SH3BP4: variants seen among roughly 807,000 people sequenced by gnomAD.
SH3BP4 encodes the protein SH3 domain-binding protein 4.
Under a neutral mutation model 65.5 loss-of-function variants are expected in SH3BP4, and 33 were observed. The observed-to-expected ratio is 0.50, with a 90% CI of 0.38 to 0.67. The LOEUF is 0.67. Ranked by LOEUF, SH3BP4 falls within the 30% of genes least tolerant of loss-of-function variation. The pLI, the probability that SH3BP4 is intolerant of heterozygous loss-of-function variation, is 0.00. For synonymous variants in SH3BP4, 552 were observed against 545.5 expected (o/e 1.01, Z -0.17); for missense variants, 1,134 against 1,261.4 (o/e 0.90, Z 1.53).
At chr2:234,984,503 C>T (rs1223901542) in intron 1 of SH3BP4, among the ~76,000 whole-genome samples, 2 of 152,128 alleles carry the variant, frequency 1.3e-5, no homozygotes, top group African/African-American at 4.8e-5. Context: ...GCCACTAAGC[C>T]CTGTCCTTTT....
intron 1 of SH3BP4, among the ~76,000 whole-genome samples, chr2:234,987,509 A>T (rs1693601318): frequency 6.6e-6 from 1 of 152,044 alleles, no homozygotes; most frequent in Non-Finnish European, 1.5e-5. Context: ...AGAAACGTGA[A>T]CCCACATGTT....
chr2:235,006,893 A>G (rs988213648), intron 2 of SH3BP4, among the ~76,000 whole-genome samples: 1 of 152,044 alleles, frequency 6.6e-6, no homozygotes, highest in Non-Finnish European at 1.5e-5. Flanking sequence ...CCTGGTGTTT[A>G]GTGAAGAAGA....
intron 2 of SH3BP4, among the ~76,000 whole-genome samples, chr2:235,000,823 C>G (rs1316049418): frequency 6.6e-6 from 1 of 152,242 alleles, no homozygotes; most frequent in African/African-American, 2.4e-5. Context: ...GGGGCCTGTC[C>G]CCACTGCCAG....
In SH3BP4 at chr2:235,052,615, T is replaced by C. The variant is rs1329635297; in HGVS notation, c.2532T>C (p.Phe844=). Residue 844 remains phenylalanine, a synonymous_variant, in exon 5 of 6, where the codon TTT becomes TTC. Coordinates refer to ENST00000392011, the MANE Select transcript of SH3BP4 (RefSeq NM_014521.3). This position sits in a 1 kb window ranked among gnomAD's most constrained non-coding sequence, Gnocchi z 5.0. The part of the protein sequence containing the change: ...QGLVVRLIQD[F]VLLTTAVEVA... ...TGGTGGTCAGACTCATCCAGGACTT[T>C]GTGCTCCTGACCACGGCTGTAGAGG... The C allele has an allele frequency of 9.6e-6, 15 of 1,561,672 alleles. No homozygotes were observed. Among genetic ancestry groups the C allele is most frequent in the Non-Finnish European group, 1.3e-5 (15 of 1,153,282 alleles).
At position 234,967,286 on chromosome 2, in the gene SH3BP4, G is replaced by C. The variant is rs914107832; in HGVS notation, c.-207+15116G>C. Among the ~76,000 whole-genome samples the C allele has an allele frequency of 1.3e-5, 2 of 152,200 alleles. No individual in the cohort carries two copies. The highest frequency in any genetic ancestry group is 2.9e-5 in the Non-Finnish European group (2 of 68,034). On this transcript the variant is annotated intron_variant, in intron 1 of 5. Coordinates refer to ENST00000392011, the MANE Select transcript of SH3BP4 (RefSeq NM_014521.3). This position sits in a 1 kb window ranked among gnomAD's most constrained non-coding sequence, Gnocchi z 4.6. ...GGACCAGACTGGGGAGCAGGATGGG[G>C]CTGTGTTGTGGGAGGTAGGGAACCT...
intron 2 of SH3BP4, among the ~76,000 whole-genome samples, chr2:235,009,862 G>A (rs1694420073): frequency 2.0e-5 from 3 of 152,018 alleles, no homozygotes; most frequent in African/African-American, 4.8e-5. Context: ...CCAGCTAAGA[G>A]CGTCTTTGTG....
At chr2:235,038,397 AT>A (rs1401114704) in intron 3 of SH3BP4, among the ~76,000 whole-genome samples, 8 of 80,974 alleles carry the variant, frequency 9.9e-5, no homozygotes, top group East Asian at 3.1e-4. Flanking sequence ...ATATATATAT[AT>A]ATATATATAT....
intron 1 of SH3BP4, among the ~76,000 whole-genome samples, chr2:234,988,226 A>AT (rs996981699): frequency 9.5e-4 from 144 of 151,976 alleles, no homozygotes; most frequent in African/African-American, 1.9e-3. Context: ...CGCCTGGCTA[A>AT]TTTTTTGTAT....
rs1192881874 is a variant in SH3BP4 at position 235,054,871 on chromosome 2, A to T, written c.*1055A>T. On this transcript the variant is annotated 3_prime_UTR_variant, in exon 6 of 6. Coordinates refer to ENST00000392011, the MANE Select transcript of SH3BP4 (RefSeq NM_014521.3). Reference sequence around the variant, plus strand: ...CAGAGGTGCCAGCTGCCATTTGCCAAACTCTGCATTTCATTTCATCTAAGG... The same window carrying T: ...CAGAGGTGCCAGCTGCCATTTGCCATACTCTGCATTTCATTTCATCTAAGG... The T allele has an allele frequency of 6.6e-6, 1 of 152,166 alleles. No homozygotes were observed. Among genetic ancestry groups the T allele is most frequent in the African/African-American group, 2.4e-5 (1 of 41,436 alleles). The allele number at this position is 152,166 out of a possible 1,614,324, so 9.4% of individuals were successfully genotyped here.
chr2:234,969,661 C>T (rs771394017), intron 1 of SH3BP4, among the ~76,000 whole-genome samples: 1 of 152,224 alleles, frequency 6.6e-6, no homozygotes, highest in Non-Finnish European at 1.5e-5. Context: ...CGGAGCCTGG[C>T]AGGCTGGACT....
At chr2:235,036,873 G>A (rs1695403088) in intron 3 of SH3BP4, among the ~76,000 whole-genome samples, 1 of 152,046 alleles carries the variant, frequency 6.6e-6, no homozygotes, top group African/African-American at 2.4e-5. Context: ...CAAACATGAA[G>A]GGGAGGGTGT....
intron 1 of SH3BP4, among the ~76,000 whole-genome samples, chr2:234,958,426 G>C (rs1289357355): frequency 2.0e-5 from 3 of 152,030 alleles, no homozygotes; most frequent in African/African-American, 4.8e-5. Context: ...GCTCGCCCTG[G>C]GGGGGTGTCT....
At position 234,986,426 on chromosome 2, in the gene SH3BP4, G is replaced by A. The variant is rs531816512; in HGVS notation, c.-206-8877G>A. Among the ~76,000 whole-genome samples the A allele has an allele frequency of 3.9e-5, 6 of 152,338 alleles. No individual in the cohort carries two copies. The South Asian group carries it at 1.2e-3, about 32-fold the overall frequency. ...AACATTCGTAGTCTGATTCAGGCAG[G>A]AATGTTAACTTCTACTTTCAAAGAC... On this transcript the variant is annotated intron_variant, in intron 1 of 5. Coordinates refer to ENST00000392011, the MANE Select transcript of SH3BP4 (RefSeq NM_014521.3).
intron 1 of SH3BP4, among the ~76,000 whole-genome samples, chr2:234,985,737 G>A (rs1363707388): frequency 3.3e-5 from 5 of 152,110 alleles, no homozygotes; most frequent in African/African-American, 1.2e-4. Context: ...GGGACTGTGC[G>A]CAGGTGAACC....
Position 235,052,751 on chromosome 2 carries a change from G to T in SH3BP4, c.2667+1G>T. ...CAGGAACGGGGTTGTGGACAGCGAG[G>T]TGAGCAGCGGCTGAGCTTCGAGCTC... On this transcript the variant is annotated splice_donor_variant, in intron 5 of 5. Transcript: ENST00000392011. LOFTEE classifies it high-confidence loss of function. This position sits in a 1 kb window ranked among gnomAD's most constrained non-coding sequence, Gnocchi z 5.0. 1 of 1,582,078 alleles carries T rather than the reference G, an allele frequency of 6.3e-7. No individual in the cohort carries two copies. Among genetic ancestry groups the T allele is most frequent in the Non-Finnish European group, 8.6e-7 (1 of 1,166,932 alleles).
intron 3 of SH3BP4, among the ~76,000 whole-genome samples, chr2:235,036,170 ATCT>A (rs1695372107): frequency 6.6e-6 from 1 of 152,130 alleles, no homozygotes; most frequent in Admixed American, 6.5e-5. Context: ...TATCCCAAAC[ATCT>A]TCTCCCTGCC....
At chr2:235,012,163 G>A (rs1257431600) in intron 2 of SH3BP4, among the ~76,000 whole-genome samples, 2 of 152,186 alleles carry the variant, frequency 1.3e-5, no homozygotes, top group South Asian at 2.1e-4. Context: ...GTGGCTCAGG[G>A]TACTGGCAGG....
At chr2:235,036,844 G>T (rs184586167) in intron 3 of SH3BP4, among the ~76,000 whole-genome samples, 1 of 151,876 alleles carries the variant, frequency 6.6e-6, no homozygotes, top group African/African-American at 2.4e-5. Flanking sequence ...AGCCTTGAAC[G>T]TGAGGAGGAG....
At chr2:234,955,790 C>A (rs1383595923) in intron 1 of SH3BP4, among the ~76,000 whole-genome samples, 1 of 152,168 alleles carries the variant, frequency 6.6e-6, no homozygotes, top group Non-Finnish European at 1.5e-5. Context: ...GAGGGCTTAC[C>A]ATATGCTAGG....
Sources: gnomAD v4.1 joint callset for allele counts (sites outside exome capture counted in the v4.1 genomes callset) on GRCh38, gnomAD v4.1.1 for gene constraint, Gnocchi (gnomAD v3.1) non-coding constraint, MANE v1.5 for transcripts, NCBI Gene and HGNC (gene_info 2026-07-23, HGNC 2026-07-21) for gene names.